Variants in CCM2 observed in about 807,000 individuals in gnomAD.
CCM2 encodes the protein CCM2 scaffold protein, also known as cerebral cavernous malformations 2 protein.
In CCM2, 25 loss-of-function variants were observed where a neutral mutation model predicts 44.9. That is an observed-to-expected ratio of 0.56 (90% CI 0.41 to 0.78). The LOEUF (loss-of-function observed/expected upper bound fraction) is 0.78. Ranked by LOEUF, CCM2 falls within the 30% of genes least tolerant of loss-of-function variation. The pLI, the probability that CCM2 is intolerant of heterozygous loss-of-function variation, is 0.00. For synonymous variants in CCM2, 219 were observed against 241.1 expected (o/e 0.91, Z 0.85); for missense variants, 481 against 580.6 (o/e 0.83, Z 1.76).
chr7:45,058,162 A>G (rs948720369), intron 2 of CCM2, among the ~76,000 whole-genome samples: 2 of 152,194 alleles, frequency 1.3e-5, no homozygotes, highest in African/African-American at 4.8e-5. Flanking sequence ...CAGTTTCCCA[A>G]CCTTTATACT....
At chr7:45,032,015 G>A (rs960626381) in intron 1 of CCM2, among the ~76,000 whole-genome samples, 2 of 152,172 alleles carry the variant, frequency 1.3e-5, no homozygotes, top group African/African-American at 2.4e-5. Flanking sequence ...TGAGAGCTGA[G>A]CAAACATTAC....
At chr7:45,019,974 G>C (rs1796420088) in intron 1 of CCM2, among the ~76,000 whole-genome samples, 1 of 152,178 alleles carries the variant, frequency 6.6e-6, no homozygotes, top group South Asian at 2.1e-4. Flanking sequence ...AAAGATTTGA[G>C]GGGACCTTAT....
chr7:45,050,706 T>G (rs1210359878), intron 2 of CCM2, among the ~76,000 whole-genome samples: 1 of 152,248 alleles, frequency 6.6e-6, no homozygotes, highest in East Asian at 1.9e-4. Context: ...TTATTGCTTC[T>G]TTTCTTATAT....
At position 45,068,235 on chromosome 7, in the gene CCM2, C is replaced by G. The variant is rs183514744; in HGVS notation, c.473-208C>G. 1.7e-3 allele frequency: 1,087 copies of G among 636,510 alleles called. 22 individuals carry two copies. The Admixed American group carries it at 0.024, about 14-fold the overall frequency. 39.4% of individuals were successfully genotyped at this position (636,510 alleles called of 1,614,324 possible). A position where few individuals can be genotyped will look rare whatever the true frequency, so the allele number is the denominator to read the frequency against. ...GCAGGATGACATGCAGCTCTGGTGCCCTTGGAGCTCAGGGGTCGCGTGTTC... is the reference window on the plus strand; with the variant it reads ...GCAGGATGACATGCAGCTCTGGTGCGCTTGGAGCTCAGGGGTCGCGTGTTC... On this transcript the variant is annotated intron_variant, in intron 4 of 9. Coordinates refer to ENST00000258781, the MANE Select transcript of CCM2 (RefSeq NM_031443.4).
At chr7:45,017,412 G>C (rs1222463924) in intron 1 of CCM2, among the ~76,000 whole-genome samples, 1 of 152,244 alleles carries the variant, frequency 6.6e-6, no homozygotes, top group Non-Finnish European at 1.5e-5. Context: ...TACAGTCACA[G>C]CTATAGTTTT....
rs1464744859 is a variant in CCM2, at chr7:45,000,214, C to G, written c.-120C>G. The G allele has an allele frequency of 1.8e-6, 1 of 544,136 alleles. No individual in the cohort carries two copies. The highest frequency in any genetic ancestry group is 2.3e-6 in the Non-Finnish European group (1 of 430,518). 33.7% of individuals were successfully genotyped at this position (544,136 alleles called of 1,614,324 possible). On this transcript the variant is annotated 5_prime_UTR_variant, in exon 1 of 10. Transcript: ENST00000258781. ...CGCGGCCGGGGCGGAGACTTCGGGC[C>G]CGGCTGGCGGGCGGCGCCGGGAGCG...
upstream of CCM2, chr7:44,999,922 C>CGCGGG (rs1004108248): frequency 9.7e-6 from 3 of 307,796 alleles, no homozygotes; most frequent in Admixed American, 4.1e-5. Flanking sequence ...TCCTGAAGGA[C>CGCGGG]GCGGGGCGGG....
intron 1 of CCM2, among the ~76,000 whole-genome samples, chr7:45,001,091 G>A (rs965287695): frequency 2.0e-5 from 3 of 152,164 alleles, no homozygotes; most frequent in Non-Finnish European, 4.4e-5. Context: ...TCTTTTTGAT[G>A]TGTGTGTGCG....
chr7:45,059,407 AC>A (rs756987218), intron 2 of CCM2, among the ~76,000 whole-genome samples: 55 of 149,292 alleles, frequency 3.7e-4, no homozygotes, highest in Non-Finnish European at 6.1e-4. Context: ...ATGTGGCGAA[AC>A]CCTGTCTGTT....
intron 9 of CCM2, among the ~76,000 whole-genome samples, chr7:45,075,445 C>A (rs4724356): frequency 0.53 from 79,904 of 151,816 alleles, 22,477 homozygotes; most frequent in African/African-American, 0.74. Flanking sequence ...TAAAATGGGT[C>A]CTTTGTGAGG....
chr7:45,023,740 T>G (rs1027418840), intron 1 of CCM2, among the ~76,000 whole-genome samples: 12 of 142,988 alleles, frequency 8.4e-5, no homozygotes, highest in Admixed American at 7.9e-4. Flanking sequence ...TTTTTTTTTT[T>G]GTCGTGTGCA....
At chr7:45,027,878 TC>T in intron 1 of CCM2, 2 of 1,433,462 alleles carry the variant, frequency 1.4e-6, no homozygotes, top group Non-Finnish European at 9.8e-7. Flanking sequence ...CATGGCTGCT[TC>T]CCAGGGCTTG....
chr7:45,040,560 C>G (rs965625441), intron 2 of CCM2, among the ~76,000 whole-genome samples: 9 of 152,152 alleles, frequency 5.9e-5, no homozygotes, highest in African/African-American at 1.9e-4. Context: ...AAAGGAAGAA[C>G]ATTTTGAATA....
intron 2 of CCM2, among the ~76,000 whole-genome samples, chr7:45,048,913 A>G (rs1797877014): frequency 6.6e-6 from 1 of 152,212 alleles, no homozygotes; most frequent in Non-Finnish European, 1.5e-5. Context: ...GGGACAGGGT[A>G]ATTAATCACA....
chr7:45,003,807 C>T (rs1795741194), intron 1 of CCM2, among the ~76,000 whole-genome samples: 1 of 152,002 alleles, frequency 6.6e-6, no homozygotes, highest in Non-Finnish European at 1.5e-5. Flanking sequence ...TCGGTTGCCC[C>T]ACCAGGTGGC....
chr7:45,031,484 TTCTC>T (rs1017533523), intron 1 of CCM2, among the ~76,000 whole-genome samples: 1 of 151,822 alleles, frequency 6.6e-6, no homozygotes, highest in Non-Finnish European at 1.5e-5. Context: ...GTTCAAGTGA[TTCTC>T]TCCCCCCAGT....
intron 8 of CCM2, 193 bp downstream of exon 8, chr7:45,073,764 G>A (rs1031923269): frequency 1.5e-5 from 9 of 595,974 alleles, no homozygotes; most frequent in Non-Finnish European, 2.4e-5. Flanking sequence ...ATCAGTCAGT[G>A]GGGCTGAGTT....
intron 1 of CCM2, among the ~76,000 whole-genome samples, chr7:45,005,617 C>A (rs1010480869): frequency 2.0e-5 from 3 of 152,198 alleles, no homozygotes; most frequent in Admixed American, 6.5e-5. Flanking sequence ...ATTTAAATCA[C>A]CCTCTATTGT....
At chr7:45,009,925 T>C (rs1216653344) in intron 1 of CCM2, among the ~76,000 whole-genome samples, 2 of 152,104 alleles carry the variant, frequency 1.3e-5, no homozygotes, top group Non-Finnish European at 2.9e-5. Flanking sequence ...TTTTTTTTTT[T>C]TTTAAACAGG....
Sources: allele counts gnomAD v4.1 joint callset (sites outside exome capture counted in the v4.1 genomes callset), GRCh38; gene constraint gnomAD v4.1.1; transcripts MANE v1.5; gene names NCBI Gene and HGNC (gene_info 2026-07-23, HGNC 2026-07-21).